SGK2: variants seen among roughly 807,000 people sequenced by gnomAD.
SGK2 encodes the protein serum/glucocorticoid regulated kinase 2.
Under a neutral mutation model 47.5 loss-of-function variants are expected in SGK2, and 36 were observed. That is an observed-to-expected ratio of 0.76 (90% confidence interval 0.58 to 1.00). SGK2 has a LOEUF of 1.00. Ranked by LOEUF, SGK2 falls within the 50% of genes least tolerant of loss-of-function variation. The pLI is 0.00. For missense variants in SGK2, 404 were observed against 467.4 expected (o/e 0.86, Z 1.25); for synonymous variants, 157 against 181.9 (o/e 0.86, Z 1.10).
intron 1 of SGK2, among the ~76,000 whole-genome samples, chr20:43,564,155 A>T (rs1979541696): frequency 6.6e-6 from 1 of 152,260 alleles, no homozygotes; most frequent in Non-Finnish European, 1.5e-5. Context: ...CCAGGCAGCA[A>T]GGCCTTCATG....
chr20:43,561,412 A>G (rs1568655649), intron 1 of SGK2, among the ~76,000 whole-genome samples: 2 of 136,516 alleles, frequency 1.5e-5, no homozygotes, highest in African/African-American at 5.5e-5. Flanking sequence ...TTTTTTTGAG[A>G]CAGAGTCTTG....
chr20:43,560,425 G>A (rs140679920), intron 1 of SGK2, among the ~76,000 whole-genome samples: 2,059 of 151,722 alleles, frequency 0.014, 26 homozygotes, highest in Non-Finnish European at 0.022. Flanking sequence ...CTTGAACCCA[G>A]GAGGCGGAGG....
At position 43,572,292 on chromosome 20, in the gene SGK2, T is replaced by C. The variant is rs1980189818; in HGVS notation, c.597+155T>C. 6.6e-6 allele frequency among the ~76,000 whole-genome samples: 1 copy of C among 152,202 alleles called. No individual in the cohort carries two copies. The highest frequency in any genetic ancestry group is 6.5e-5 in the Admixed American group (1 of 15,276). ...CACTGAACTGTGGTTTCCTCATCTA[T>C]GTAATGGGGGTACCAGCTCTAGGAC... On this transcript the variant is annotated intron_variant, in intron 9 of 12. Transcript: ENST00000373100. This position sits in a 1 kb window ranked among gnomAD's most constrained non-coding sequence, Gnocchi z 4.2.
At position 43,570,689 on chromosome 20, in the gene SGK2, A is replaced by T. The variant is rs755742423; in HGVS notation, c.433A>T (p.Ser145Cys). ...CAGGTTCTACGCTGCTGAGGTGGCC[A>T]GCGCCATTGGCTACCTGCACTCCCT... is the stretch of plus-strand genomic sequence containing the variant. ...RARFYAAEVA[S>C]AIGYLHSLNI... Residue 145 changes from serine (S) to cysteine (C), a missense_variant, in exon 7 of 13, where the codon AGC becomes TGC. Coordinates refer to ENST00000373100, the MANE Select transcript of SGK2 (RefSeq NM_170693.3). The T allele has an allele frequency of 1.2e-6, 2 of 1,613,482 alleles. No individual in the cohort carries two copies. The highest frequency in any genetic ancestry group is 1.3e-5 in the African/African-American group (1 of 74,940).
chr20:43,562,452 A>G (rs1481111640), intron 1 of SGK2, among the ~76,000 whole-genome samples: 1 of 142,326 alleles, frequency 7.0e-6, no homozygotes, highest in African/African-American at 2.6e-5. Flanking sequence ...AAAGATTGAG[A>G]TGCTTTGGCT....
chr20:43,566,531 G>A lies in SGK2; in HGVS notation c.36G>A (p.Gln12=), dbSNP rs151094343. ...GCCCAGCTGGGACCCCAAGTCCACA[G>A]GTGAGTGGTTCTTGGTCCCCCACCC... ...NSSPAGTPSP[Q]PSRANGNINL... is the part of the protein sequence containing the mutation. The change falls in exon 2 of 13, where the codon CAG becomes CAA. Residue 12 remains glutamine (Q), a splice_region_variant and synonymous_variant. Transcript: ENST00000373100. 1.2e-6 allele frequency: 2 copies of A among 1,608,894 alleles called. No individual in the cohort carries two copies. Among genetic ancestry groups the A allele is most frequent in the Non-Finnish European group, 1.7e-6 (2 of 1,176,254 alleles).
chr20:43,573,089 A>C (rs143534782), intron 9 of SGK2, among the ~76,000 whole-genome samples: 1 of 152,226 alleles, frequency 6.6e-6, no homozygotes, highest in Non-Finnish European at 1.5e-5. Flanking sequence ...GTCCGTGTCC[A>C]TCTTCCAGCT....
At chr20:43,568,870 G>A (rs73117978) in intron 5 of SGK2, among the ~76,000 whole-genome samples, 17,394 of 152,128 alleles carry the variant, frequency 0.11, 1,208 homozygotes, top group African/African-American at 0.19. Context: ...TGCATAGGAG[G>A]TTGGGGGACT....
chr20:43,567,986 TAAA>T lies in SGK2; in HGVS notation c.216_218del (p.Lys75del). The stretch of plus-strand genomic sequence containing the variant: ...AAGGTACTACAGAAAAAGTCCATCT[TAAA>T]GAAGAAAGAGGTACCAGAGCTCGGG... On this transcript the variant is annotated inframe_deletion, in exon 5 of 13. Coordinates refer to ENST00000373100, the MANE Select transcript of SGK2 (RefSeq NM_170693.3). 1.2e-6 allele frequency: 2 copies of T among 1,614,046 alleles called. No homozygotes were observed. Among genetic ancestry groups the T allele is most frequent in the Non-Finnish European group, 1.7e-6 (2 of 1,179,894 alleles).
intron 1 of SGK2, among the ~76,000 whole-genome samples, chr20:43,561,781 G>A (rs1000454472): frequency 7.9e-5 from 12 of 152,090 alleles, no homozygotes; most frequent in Non-Finnish European, 1.6e-4. Flanking sequence ...AAGACTCACC[G>A]TGGCTTTTCA....
At chr20:43,565,332 G>A (rs1454816468) in intron 1 of SGK2, 1 of 152,432 alleles carries the variant, frequency 6.6e-6, no homozygotes, top group African/African-American at 2.4e-5. Context: ...GGGCCACTGG[G>A]GTCAGCCCAG....
chr20:43,578,188 A>C (rs1568674847), intron 11 of SGK2, among the ~76,000 whole-genome samples: 1 of 152,182 alleles, frequency 6.6e-6, no homozygotes, highest in Non-Finnish European at 1.5e-5. Context: ...CATAGTGGTT[A>C]AGATGAATGG....
chr20:43,574,195 G>C (rs187198080), intron 9 of SGK2, among the ~76,000 whole-genome samples: 1 of 152,246 alleles, frequency 6.6e-6, no homozygotes, highest in East Asian at 1.9e-4. Flanking sequence ...TTTTCCTGTT[G>C]CTGAGACCTT....
At chr20:43,584,109 G>A (rs1980965258) in intron 12 of SGK2, among the ~76,000 whole-genome samples, 1 of 152,138 alleles carries the variant, frequency 6.6e-6, no homozygotes, top group Non-Finnish European at 1.5e-5. Context: ...TCACTCCCAT[G>A]CCTGGGAGTT....
intron 2 of SGK2, 51 bp from the exon 3 acceptor site, chr20:43,567,017 G>C (rs1322767449): frequency 6.8e-7 from 1 of 1,467,566 alleles, no homozygotes; most frequent in Admixed American, 1.7e-5. Context: ...AGGAGAAAGG[G>C]AGGTAGCCAA....
intron 12 of SGK2, among the ~76,000 whole-genome samples, chr20:43,582,976 T>C (rs1980891587): frequency 6.6e-6 from 1 of 152,192 alleles, no homozygotes; most frequent in Non-Finnish European, 1.5e-5. Context: ...TTTTGCAATG[T>C]TAATTGGTAG....
rs562801174 is a variant in SGK2 at position 43,574,952 on chromosome 20, C to G, written c.641C>G (p.Ala214Gly). The change falls in exon 10 of 13, where the codon GCA (alanine) becomes GGA (glycine). Residue 214 changes from alanine (A) to glycine (G), a missense_variant. Coordinates refer to ENST00000373100, the MANE Select transcript of SGK2 (RefSeq NM_170693.3). ...EVLRKEPYDR[A>G]VDWWCLGAVL... ...CTTCGGAAAGAGCCTTATGATCGAGCAGTGGACTGGTGGTGCTTGGGGGCA... is the reference window on the plus strand; with the variant it reads ...CTTCGGAAAGAGCCTTATGATCGAGGAGTGGACTGGTGGTGCTTGGGGGCA... 5.6e-6 allele frequency: 9 copies of G among 1,613,732 alleles called. No homozygotes were observed. The highest frequency in any genetic ancestry group is 6.8e-6 in the Non-Finnish European group (8 of 1,179,770).
intron 12 of SGK2, among the ~76,000 whole-genome samples, chr20:43,581,050 T>C (rs1159526778): frequency 6.6e-6 from 1 of 151,990 alleles, no homozygotes; most frequent in African/African-American, 2.4e-5. Context: ...TAATTTTTTG[T>C]ATTTTTAGCA....
chr20:43,566,354 C>T (rs201979533), intron 1 of SGK2, 119 bp from the exon 2 acceptor site: 12 of 1,613,588 alleles, frequency 7.4e-6, no homozygotes, highest in East Asian at 4.5e-5. Flanking sequence ...AACCCTCAGG[C>T]GGTGGCAGGT....
Sources: allele counts gnomAD v4.1 joint callset (sites outside exome capture counted in the v4.1 genomes callset), GRCh38; gene constraint gnomAD v4.1.1; non-coding constraint Gnocchi (gnomAD v3.1); transcripts MANE v1.5; gene names NCBI Gene and HGNC (gene_info 2026-07-23, HGNC 2026-07-21).